SPTAN1: variants seen among roughly 807,000 people sequenced by gnomAD.
The protein encoded by SPTAN1 is spectrin alpha chain, non-erythrocytic 1.
In SPTAN1, 61 loss-of-function variants were observed where a neutral mutation model predicts 331.3. That is an observed-to-expected ratio of 0.18 (90% confidence interval 0.15 to 0.23). The LOEUF (loss-of-function observed/expected upper bound fraction) is 0.23. Among genes scored for constraint, SPTAN1 ranks in the 10% least tolerant of loss-of-function variants. SPTAN1 has a pLI of 1.00. For missense variants in SPTAN1, 2,043 were observed against 3,147.9 expected, an observed-to-expected ratio of 0.65 and a Z score of 8.40; for synonymous variants, 1,153 against 1,173.9, an observed-to-expected ratio of 0.98 and a Z score of 0.36.
At position 128,605,469 on chromosome 9, in the gene SPTAN1, C is replaced by T. The variant is rs768542176; in HGVS notation, c.4038C>T (p.Ser1346=). 14 of 1,613,980 alleles carry T rather than the reference C, an allele frequency of 8.7e-6. No homozygotes were observed. Among genetic ancestry groups the T allele is most frequent in the South Asian group, 5.5e-5 (5 of 91,080 alleles). ...GDSHDLQRFL[S]DFRDLMSWIN... ...CCCACGACCTGCAGCGCTTCCTTAG[C>T]GATTTCCGGTACGGAGCCATGTTCA... is the stretch of plus-strand genomic sequence containing the variant. Residue 1346 remains serine (S), a synonymous_variant, in exon 31 of 57, where the codon AGC becomes AGT. Coordinates refer to ENST00000372739, the MANE Select transcript of SPTAN1 (RefSeq NM_001130438.3).
chr9:128,567,469 T>G (rs1395699110), intron 2 of SPTAN1, among the ~76,000 whole-genome samples: 1 of 151,838 alleles, frequency 6.6e-6, no homozygotes, highest in African/African-American at 2.4e-5. Context: ...TTTTTGTATT[T>G]TTAGTAGAGA....
intron 30 of SPTAN1, 28 bp downstream of exon 30, chr9:128,605,206 C>G: frequency 6.2e-7 from 1 of 1,614,138 alleles, no homozygotes; most frequent in Non-Finnish European, 8.5e-7. Flanking sequence ...CATCTTCTGT[C>G]TGGCATTTTT....
At chr9:128,624,204 C>T (rs1439922489) in intron 45 of SPTAN1, 124 bp from the exon 46 acceptor site, 1 of 1,065,614 alleles carries the variant, frequency 9.4e-7, no homozygotes, top group Non-Finnish European at 1.4e-6. Flanking sequence ...TCATTGTTTA[C>T]CCAGCAGTGG....
In SPTAN1 at chr9:128,629,525, G is replaced by A; in HGVS notation, c.6708-796G>A. The A allele has an allele frequency of 4.2e-6, 1 of 237,734 alleles. No homozygotes were observed. The highest frequency in any genetic ancestry group is 8.1e-6 in the Non-Finnish European group (1 of 123,610). 14.7% of individuals were successfully genotyped at this position (237,734 alleles called of 1,614,324 possible). Reference sequence around the variant, plus strand: ...TTGGGGTGAATGTGGGTACAGGGGAGCCTGGGCTAAAACCCCACCAAGGCC... The same window carrying A: ...TTGGGGTGAATGTGGGTACAGGGGAACCTGGGCTAAAACCCCACCAAGGCC... On this transcript the variant is annotated intron_variant, in intron 51 of 56. Coordinates refer to ENST00000372739, the MANE Select transcript of SPTAN1 (RefSeq NM_001130438.3). This position sits in a 1 kb window ranked among gnomAD's most constrained non-coding sequence, Gnocchi z 4.9.
At chr9:128,613,895 C>T (rs1336367927) in intron 40 of SPTAN1, among the ~76,000 whole-genome samples, 2 of 151,874 alleles carry the variant, frequency 1.3e-5, no homozygotes, top group Admixed American at 1.3e-4. Context: ...ATCCCAGGTA[C>T]TCAGGCGACT....
chr9:128,552,627 C>T lies in SPTAN1; in HGVS notation c.-73C>T, dbSNP rs886063496. 7.3e-5 allele frequency: 11 copies of T among 151,616 alleles called. No homozygotes were observed. The highest frequency in any genetic ancestry group is 2.0e-4 in the East Asian group (1 of 5,118). 9.4% of individuals were successfully genotyped at this position (151,616 alleles called of 1,614,324 possible). A position where few individuals can be genotyped will look rare whatever the true frequency, so the allele number is the denominator to read the frequency against. ...GGAGTGAACGGTGTGGAGCGGAGGC[C>T]GCGGAGGCTCCTCGGTCCTTCAGCA... On this transcript the variant is annotated 5_prime_UTR_variant, in exon 1 of 57. Coordinates refer to ENST00000372739, the MANE Select transcript of SPTAN1 (RefSeq NM_001130438.3). The surrounding 1 kb of genome is among the most constrained non-coding windows in gnomAD (Gnocchi z 4.6).
intron 40 of SPTAN1, among the ~76,000 whole-genome samples, chr9:128,614,596 A>G (rs1331016747): frequency 1.4e-5 from 2 of 144,098 alleles, no homozygotes; most frequent in East Asian, 3.9e-4. Flanking sequence ...TCTCAAAAAA[A>G]AAACAAAAAA....
intron 45 of SPTAN1, among the ~76,000 whole-genome samples, chr9:128,623,622 A>ATTTTTTTTTTTTT (rs777632874): frequency 6.0e-5 from 7 of 117,118 alleles, no homozygotes; most frequent in East Asian, 2.5e-4. Flanking sequence ...AACCTGGCTA[A>ATTTTTTTTTTTTT]TTTTTTTTTT....
At chr9:128,555,491 C>A in intron 1 of SPTAN1, 3 of 1,050,324 alleles carry the variant, frequency 2.9e-6, no homozygotes, top group Non-Finnish European at 3.8e-6. Context: ...TTGAATGATC[C>A]AAAGAAAGGG....
At chr9:128,567,302 G>GT (rs1294875618) in intron 2 of SPTAN1, among the ~76,000 whole-genome samples, 3 of 152,108 alleles carry the variant, frequency 2.0e-5, no homozygotes, top group South Asian at 2.1e-4. Flanking sequence ...TTTTGTTTTT[G>GT]TTTTTTGAGG....
chr9:128,568,739 G>A, intron 2 of SPTAN1, 33 bp from the exon 3 acceptor site: 1 of 1,613,310 alleles, frequency 6.2e-7, no homozygotes, highest in East Asian at 2.2e-5. Flanking sequence ...CTGTGTGGTT[G>A]CGTCTGAGGC....
At chr9:128,604,019 G>A (rs532134180) in intron 28 of SPTAN1, among the ~76,000 whole-genome samples, 2 of 152,344 alleles carry the variant, frequency 1.3e-5, no homozygotes, top group East Asian at 3.9e-4. Context: ...GACTTAGGAA[G>A]CAGTTGCTAC....
chr9:128,600,293 A>T (rs188785098), intron 27 of SPTAN1, among the ~76,000 whole-genome samples, 178 bp downstream of exon 27: 1 of 152,334 alleles, frequency 6.6e-6, no homozygotes, highest in African/African-American at 2.4e-5. Context: ...AATATACAAA[A>T]GCAGAGTGTC....
At chr9:128,622,534 G>A (rs1219395756) in intron 45 of SPTAN1, among the ~76,000 whole-genome samples, 2 of 149,756 alleles carry the variant, frequency 1.3e-5, no homozygotes, top group African/African-American at 4.9e-5. Flanking sequence ...CCTGACCTCA[G>A]GTGATCCGCC....
rs140536665 is a variant in SPTAN1 at position 128,560,368 on chromosome 9, G to A, written c.-3-6370G>A. ...CAAAATGCTAGGATTACAGGTGTAAGCCACCGTGCCCGCCTTTTTTTTTTT... is the reference window on the plus strand; with the variant it reads ...CAAAATGCTAGGATTACAGGTGTAAACCACCGTGCCCGCCTTTTTTTTTTT... On this transcript the variant is annotated intron_variant, in intron 1 of 56. Transcript: ENST00000372739. Among the ~76,000 whole-genome samples the A allele has an allele frequency of 3.6e-3, 527 of 146,054 alleles. 2 individuals are homozygous for A. Among genetic ancestry groups the A allele is most frequent in the African/African-American group, 0.012 (487 of 39,386 alleles).
intron 40 of SPTAN1, among the ~76,000 whole-genome samples, chr9:128,615,177 C>T (rs557702290): frequency 1.8e-4 from 28 of 152,222 alleles, no homozygotes; most frequent in African/African-American, 6.3e-4. Context: ...TATTCTGGAC[C>T]GAGTATCTGT....
chr9:128,584,998 T>C (rs1243590245), intron 18 of SPTAN1, among the ~76,000 whole-genome samples, 155 bp downstream of exon 18: 2 of 151,402 alleles, frequency 1.3e-5, no homozygotes, highest in East Asian at 1.9e-4. Context: ...GACCTTACCC[T>C]TTCTGAGCCT....
chr9:128,569,013 A>C, intron 3 of SPTAN1, 116 bp downstream of exon 3: 1 of 1,428,822 alleles, frequency 7.0e-7, no homozygotes, highest in South Asian at 1.2e-5. Context: ...TTTTAAAAGA[A>C]TTTATGAAGT....
At chr9:128,570,890 A>G (rs1339156741) in intron 3 of SPTAN1, among the ~76,000 whole-genome samples, 1 of 151,932 alleles carries the variant, frequency 6.6e-6, no homozygotes, top group African/African-American at 2.4e-5. Flanking sequence ...CAAACTCCCA[A>G]CCTCAGGTGA....
Sources: allele counts gnomAD v4.1 joint callset (sites outside exome capture counted in the v4.1 genomes callset), GRCh38; gene constraint gnomAD v4.1.1; non-coding constraint Gnocchi (gnomAD v3.1); transcripts MANE v1.5; gene names NCBI Gene and HGNC (gene_info 2026-07-23, HGNC 2026-07-21).